The following WWP2 variants were observed in gnomAD, a reference collection of about 807,000 sequenced individuals.
WWP2 encodes the protein WW domain containing E3 ubiquitin protein ligase 2, also known as NEDD4-like E3 ubiquitin-protein ligase WWP2.
WWP2 carries 57 observed loss-of-function variants against 121.0 expected under a neutral mutation model. The observed-to-expected ratio is 0.47, with a 90% CI of 0.38 to 0.59. The LOEUF is 0.59. WWP2 is among the 20% of genes least tolerant of loss of function. The pLI, the probability that WWP2 is intolerant of heterozygous loss-of-function variation, is 0.00. For synonymous variants in WWP2, 449 were observed against 441.3 expected (o/e 1.02, Z -0.22); for missense variants, 962 against 1,158.9 (o/e 0.83, Z 2.47).
At chr16:69,786,957 C>T in intron 1 of WWP2, 39 bp from the exon 2 acceptor site, 2 of 1,529,198 alleles carry the variant, frequency 1.3e-6, no homozygotes, top group South Asian at 1.2e-5. Context: ...GTCTTCTTAT[C>T]AGATATTCTC....
At chr16:69,862,652 C>G (rs2057443843) in intron 6 of WWP2, among the ~76,000 whole-genome samples, 1 of 148,588 alleles carries the variant, frequency 6.7e-6, no homozygotes, top group African/African-American at 2.5e-5. Flanking sequence ...TTCTGGGCCT[C>G]TTTTACCAAG....
chr16:69,806,953 T>TATTTATTTATTTATTTATTC (rs770245519), intron 4 of WWP2, among the ~76,000 whole-genome samples: 9 of 146,062 alleles, frequency 6.2e-5, no homozygotes, highest in Non-Finnish European at 1.1e-4. Context: ...TTTATTTATT[T>TATTTATTTATTTATTTATTC]ATTCATTCAT....
intron 7 of WWP2, among the ~76,000 whole-genome samples, chr16:69,883,731 C>T (rs893562091): frequency 2.0e-5 from 3 of 152,090 alleles, no homozygotes; most frequent in Admixed American, 6.6e-5. Flanking sequence ...TCCCCGCACC[C>T]CACCCTGCAA....
intron 10 of WWP2, among the ~76,000 whole-genome samples, chr16:69,919,570 C>G (rs1440822949): frequency 6.6e-6 from 1 of 152,166 alleles, no homozygotes; most frequent in Non-Finnish European, 1.5e-5. Context: ...CCCAGTTCCA[C>G]CTGCTGGAGT....
chr16:69,833,709 G>A (rs2056829804), intron 4 of WWP2, among the ~76,000 whole-genome samples: 1 of 152,230 alleles, frequency 6.6e-6, no homozygotes, highest in South Asian at 2.1e-4. Context: ...TGGCTTTCTT[G>A]CTGAAACCTG....
chr16:69,820,346 A>G (rs1383406147), intron 4 of WWP2, among the ~76,000 whole-genome samples: 1 of 152,088 alleles, frequency 6.6e-6, no homozygotes, highest in Non-Finnish European at 1.5e-5. Context: ...GGTTCAAGTG[A>G]TTCTCCTGCC....
chr16:69,904,855 A>G (rs73572182), intron 8 of WWP2, among the ~76,000 whole-genome samples: 1,577 of 152,350 alleles, frequency 0.01, 29 homozygotes, highest in African/African-American at 0.036. Flanking sequence ...CCTACATGCT[A>G]TTTAATGGTG....
chr16:69,791,829 G>C (rs1369452969), intron 2 of WWP2, among the ~76,000 whole-genome samples: 1 of 152,014 alleles, frequency 6.6e-6, no homozygotes, highest in Non-Finnish European at 1.5e-5. Flanking sequence ...CCCCACCTCG[G>C]CCTCTTAAGG....
chr16:69,791,168 G>A (rs1425308643), intron 2 of WWP2, among the ~76,000 whole-genome samples: 1 of 151,938 alleles, frequency 6.6e-6, no homozygotes, highest in African/African-American at 2.4e-5. Flanking sequence ...GTAACATCCT[G>A]AGGTCTCTGT....
Position 69,937,628 on chromosome 16 carries a change from C to A in WWP2, c.2319C>A (p.Ser773Arg). Residue 773 changes from serine to arginine, a missense_variant, in exon 21 of 24, where the codon AGC becomes AGA. Physicochemically the swap from Ser to Arg is moderately radical, Grantham distance 110. Around this residue, in one of 3 missense-constraint regions of WWP2, gnomAD observed 606 missense variants for 772.6 expected, o/e 0.78. Coordinates refer to ENST00000359154, the MANE Select transcript of WWP2 (RefSeq NM_001270454.2). The surrounding 1 kb of genome is among the most constrained non-coding windows in gnomAD (Gnocchi z 6.6). Reference sequence around the variant, plus strand: ...TCTACCGGCACTACACCAAGAACAGCAAGCAGATCCAGTGGTTCTGGCAGG... The same window carrying A: ...TCTACCGGCACTACACCAAGAACAGAAAGCAGATCCAGTGGTTCTGGCAGG... ...STIYRHYTKN[S>R]KQIQWFWQVV... 1 of 1,614,030 alleles carries A rather than the reference C, an allele frequency of 6.2e-7. No homozygotes were observed.
rs1443650878 is a variant in WWP2 at position 69,936,001 on chromosome 16, C to T, written c.1976+15C>T. On this transcript the variant is annotated intron_variant, in intron 18 of 23. Coordinates refer to ENST00000359154, the MANE Select transcript of WWP2 (RefSeq NM_001270454.2). ...GTCTGGATCAAGTGAGTTCCCTGCC[C>T]CCTTGCCCCACCGCGCTGATAGGAG... The T allele has an allele frequency of 3.1e-6, 5 of 1,612,790 alleles. No homozygotes were observed. Among genetic ancestry groups the T allele is most frequent in the East Asian group, 2.2e-5 (1 of 44,870 alleles).
In WWP2 at chr16:69,925,050, C is replaced by A; in HGVS notation, c.1180-380C>A. 2 of 1,009,836 alleles carry A rather than the reference C, an allele frequency of 2.0e-6. No individual in the cohort carries two copies. Among genetic ancestry groups the A allele is most frequent in the Non-Finnish European group, 2.4e-6 (2 of 846,566 alleles). The allele number at this position is 1,009,836 out of a possible 1,614,324, so 62.6% of individuals were successfully genotyped here. On this transcript the variant is annotated intron_variant, in intron 10 of 23. Transcript: ENST00000359154. The surrounding 1 kb of genome is among the most constrained non-coding windows in gnomAD (Gnocchi z 4.0). ...GTGGTGGTGATTTCAGTCGCCTTGG[C>A]CGCCTTGAGCCGGAGCTGAGCGGAG... is the stretch of plus-strand genomic sequence containing the variant.
intron 4 of WWP2, among the ~76,000 whole-genome samples, chr16:69,819,357 T>C (rs1056046609): frequency 1.3e-5 from 2 of 152,196 alleles, no homozygotes; most frequent in Non-Finnish European, 2.9e-5. Context: ...TGCCTTTATG[T>C]GTGTCTGCTA....
At chr16:69,803,602 G>A (rs949817301) in intron 4 of WWP2, among the ~76,000 whole-genome samples, 1 of 152,026 alleles carries the variant, frequency 6.6e-6, no homozygotes, top group Non-Finnish European at 1.5e-5. Context: ...GTGTGTGAAA[G>A]CAAATTTGTT....
At chr16:69,938,900 C>A in intron 21 of WWP2, 127 bp from the exon 22 acceptor site, 1 of 779,792 alleles carries the variant, frequency 1.3e-6, no homozygotes, top group Non-Finnish European at 2.1e-6. Flanking sequence ...GCTGTCATCC[C>A]CTGGCCAACC....
chr16:69,857,547 C>T (rs533402723), intron 6 of WWP2, among the ~76,000 whole-genome samples: 10 of 152,000 alleles, frequency 6.6e-5, no homozygotes, highest in African/African-American at 1.7e-4. Flanking sequence ...TGGCTCCCGG[C>T]CTGAAGGTTT....
In WWP2 at chr16:69,817,659, C is replaced by CT. The variant is rs200998762; in HGVS notation, c.340+18390dup. Among the ~76,000 whole-genome samples the CT allele has an allele frequency of 3.1e-3, 375 of 119,922 alleles. 9 individuals carry two copies. The highest frequency in any genetic ancestry group is 5.4e-3 in the African/African-American group (169 of 31,458). 78.7% of individuals were successfully genotyped at this position (119,922 alleles called of 152,430 possible). A position where few individuals can be genotyped will look rare whatever the true frequency, so the allele number is the denominator to read the frequency against. ...TACTAGCAGCACTTTTTGTTAAACTCTTTTTTTTTTTTTTTTTTTTTTTTT... is the reference window on the plus strand; with the variant it reads ...TACTAGCAGCACTTTTTGTTAAACTCTTTTTTTTTTTTTTTTTTTTTTTTTT... On this transcript the variant is annotated intron_variant, in intron 4 of 23. Transcript: ENST00000359154.
intron 6 of WWP2, among the ~76,000 whole-genome samples, chr16:69,850,778 C>A (rs1488278690): frequency 6.6e-6 from 1 of 152,068 alleles, no homozygotes; most frequent in Non-Finnish European, 1.5e-5. Context: ...CAGGCTGAAT[C>A]CAGCCTGCCA....
chr16:69,854,852 C>T (rs1409943174), intron 6 of WWP2, among the ~76,000 whole-genome samples: 2 of 151,640 alleles, frequency 1.3e-5, no homozygotes, highest in African/African-American at 2.4e-5. Context: ...CGCCTAGCCT[C>T]TTTTTTGTTT....
Sources: allele counts gnomAD v4.1 joint callset (sites outside exome capture counted in the v4.1 genomes callset), GRCh38; gene constraint gnomAD v4.1.1; regional missense constraint gnomAD v4.1.1; non-coding constraint Gnocchi (gnomAD v3.1); transcripts MANE v1.5; gene names NCBI Gene and HGNC (gene_info 2026-07-23, HGNC 2026-07-21).